Variants in DGKD observed in about 807,000 individuals in gnomAD.
The protein encoded by DGKD is diacylglycerol kinase delta.
In DGKD, 68 loss-of-function variants were observed where a neutral mutation model predicts 154.4. That is an observed-to-expected ratio of 0.44 (90% CI 0.36 to 0.54). The LOEUF is 0.54. Ranked by LOEUF, DGKD falls within the 20% of genes least tolerant of loss-of-function variation. The probability of loss-of-function intolerance (pLI) is 0.00; values close to 1 mark genes in which losing one functional copy is unlikely to be tolerated. For synonymous variants in DGKD, 693 were observed against 638.0 expected (o/e 1.09, Z -1.30); for missense variants, 1,343 against 1,593.6 (o/e 0.84, Z 2.68).
chr2:233,362,312 A>G (rs1184245026), intron 1 of DGKD, among the ~76,000 whole-genome samples: 1 of 152,172 alleles, frequency 6.6e-6, no homozygotes, highest in Non-Finnish European at 1.5e-5. Context: ...TTTAATTGTC[A>G]CAAGAGAGGA....
intron 3 of DGKD, among the ~76,000 whole-genome samples, chr2:233,402,043 G>A (rs1402677775): frequency 6.7e-6 from 1 of 149,128 alleles, no homozygotes; most frequent in African/African-American, 2.5e-5. Flanking sequence ...CCTCTCCCCA[G>A]CCAAGCCCAG....
chr2:233,448,773 T>G (rs1351077765), intron 14 of DGKD, among the ~76,000 whole-genome samples: 2 of 152,164 alleles, frequency 1.3e-5, no homozygotes, highest in Non-Finnish European at 2.9e-5. Context: ...CACACTCCTG[T>G]GCAAACATCT....
rs540832085 is a variant in DGKD, at chr2:233,423,389, T to C, written c.349-10991T>C. On this transcript the variant is annotated intron_variant, in intron 3 of 29. Coordinates refer to ENST00000264057, the MANE Select transcript of DGKD (RefSeq NM_152879.3). ...ATCCCACCCAACAGTAAGATCCACT[T>C]TCTCCATATTCTCTCCAGCAGGTGG... Among the ~76,000 whole-genome samples, 6 of 152,152 alleles carry C rather than the reference T, an allele frequency of 3.9e-5. No homozygotes were observed. In the South Asian group the frequency reaches 1.0e-3, roughly 26 times the overall value.
chr2:233,441,884 C>T lies in DGKD; in HGVS notation c.1086-3C>T. ...TTTCACGGCCTTTCTCTTTTCTCTG[C>T]AGCTTACGGTTATTCCAGAAGTTTG... is the stretch of plus-strand genomic sequence containing the variant. On this transcript the variant is annotated splice_region_variant and splice_polypyrimidine_tract_variant and intron_variant, in intron 9 of 29. Coordinates refer to ENST00000264057, the MANE Select transcript of DGKD (RefSeq NM_152879.3). The surrounding 1 kb of genome is among the most constrained non-coding windows in gnomAD (Gnocchi z 5.6). 2 of 1,611,982 alleles carry T rather than the reference C, an allele frequency of 1.2e-6. No individual in the cohort carries two copies.
At position 233,457,044 on chromosome 2, in the gene DGKD, C is replaced by A; in HGVS notation, c.2472+49C>A. The A allele has an allele frequency of 6.8e-7, 1 of 1,476,094 alleles. No individual in the cohort carries two copies. Among genetic ancestry groups the A allele is most frequent in the Non-Finnish European group, 9.5e-7 (1 of 1,054,666 alleles). The allele number at this position is 1,476,094 out of a possible 1,614,324, so 91.4% of individuals were successfully genotyped here. ...CTGCAGGCTGGCCTCCATCCATCAGCAGACTGCCAGGCCTATTGCTTCTCC... is the reference window on the plus strand; with the variant it reads ...CTGCAGGCTGGCCTCCATCCATCAGAAGACTGCCAGGCCTATTGCTTCTCC... On this transcript the variant is annotated intron_variant, in intron 20 of 29. Coordinates refer to ENST00000264057, the MANE Select transcript of DGKD (RefSeq NM_152879.3). The surrounding 1 kb of genome is among the most constrained non-coding windows in gnomAD (Gnocchi z 5.5).
intron 10 of DGKD, 117 bp downstream of exon 10, chr2:233,442,112 T>C: frequency 1.0e-6 from 1 of 978,858 alleles, no homozygotes; most frequent in Non-Finnish European, 1.6e-6. Context: ...CAGAAACCAT[T>C]GGTGGTTTTG....
intron 3 of DGKD, among the ~76,000 whole-genome samples, chr2:233,421,285 C>G (rs890096850): frequency 1.3e-5 from 2 of 152,152 alleles, no homozygotes; most frequent in African/African-American, 4.8e-5. Flanking sequence ...TCGGAGGTCA[C>G]TGTGGACTCC....
intron 1 of DGKD, among the ~76,000 whole-genome samples, chr2:233,366,205 G>A (rs1702020047): frequency 6.6e-6 from 1 of 152,128 alleles, no homozygotes; most frequent in African/African-American, 2.4e-5. Context: ...AGATTAGTGG[G>A]ATACTATTGC....
intron 3 of DGKD, among the ~76,000 whole-genome samples, chr2:233,420,545 G>A (rs1377170007): frequency 2.6e-5 from 4 of 152,202 alleles, no homozygotes; most frequent in Non-Finnish European, 5.9e-5. Context: ...TTTGATAAGT[G>A]TGTGTAGGCA....
chr2:233,432,849 A>G (rs767617509), intron 3 of DGKD, among the ~76,000 whole-genome samples: 1 of 152,234 alleles, frequency 6.6e-6, no homozygotes, highest in Non-Finnish European at 1.5e-5. Flanking sequence ...AAAGTGCTCA[A>G]TATCATTGAT....
rs1439137478 is a variant in DGKD, at chr2:233,354,828, G to T, written c.156+154G>T. Among the ~76,000 whole-genome samples, 1 of 144,810 alleles carries T rather than the reference G, an allele frequency of 6.9e-6. No homozygotes were observed. Among genetic ancestry groups the T allele is most frequent in the Non-Finnish European group, 1.5e-5 (1 of 65,156 alleles). ...CCGCCCCTGTCGAGCGTGCCCCGCC[G>T]CTGTAACGGGCCGGCGCCCCGGGCG... On this transcript the variant is annotated intron_variant, in intron 1 of 29. Coordinates refer to ENST00000264057, the MANE Select transcript of DGKD (RefSeq NM_152879.3). The surrounding 1 kb of genome is among the most constrained non-coding windows in gnomAD (Gnocchi z 4.8).
rs374704059 is a variant in DGKD at position 233,467,221 on chromosome 2, G to A, written c.3424+18G>A. On this transcript the variant is annotated intron_variant, in intron 28 of 29. Coordinates refer to ENST00000264057, the MANE Select transcript of DGKD (RefSeq NM_152879.3). ...AGCCCCGGGTACCTGCCTCTCTCCC[G>A]CGTGTGTTTCTGGCCGTCCACGCCT... The A allele has an allele frequency of 1.9e-5, 30 of 1,575,498 alleles. No homozygotes were observed. The highest frequency in any genetic ancestry group is 1.5e-4 in the African/African-American group (11 of 74,204).
At chr2:233,416,185 A>T (rs2061956595) in intron 3 of DGKD, among the ~76,000 whole-genome samples, 1 of 152,200 alleles carries the variant, frequency 6.6e-6, no homozygotes, top group African/African-American at 2.4e-5. Context: ...TTAGCATCTT[A>T]ACCATTTTTA....
At chr2:233,357,262 C>G (rs928388847) in intron 1 of DGKD, among the ~76,000 whole-genome samples, 1 of 152,218 alleles carries the variant, frequency 6.6e-6, no homozygotes, top group African/African-American at 2.4e-5. Context: ...TCCTCCACAA[C>G]TTGGACTGGA....
chr2:233,365,701 A>G (rs1404681520), intron 1 of DGKD, among the ~76,000 whole-genome samples: 1 of 152,258 alleles, frequency 6.6e-6, no homozygotes, highest in African/African-American at 2.4e-5. Context: ...TTGAAATTAT[A>G]GAGTATGTTC....
Position 233,449,082 on chromosome 2 carries a change from C to A in DGKD, c.1615-21C>A. The stretch of plus-strand genomic sequence containing the variant: ...TGTTCTCCTGCCTCAGCTCTGCATG[C>A]CATTTCCTTTCCTTGTTCAGTGCTC... On this transcript the variant is annotated intron_variant, in intron 14 of 29. Coordinates refer to ENST00000264057, the MANE Select transcript of DGKD (RefSeq NM_152879.3). This position sits in a 1 kb window ranked among gnomAD's most constrained non-coding sequence, Gnocchi z 5.3. 1 of 1,572,640 alleles carries A rather than the reference C, an allele frequency of 6.4e-7. No homozygotes were observed. The highest frequency in any genetic ancestry group is 2.3e-5 in the East Asian group (1 of 43,950).
chr2:233,428,700 G>T lies in DGKD; in HGVS notation c.349-5680G>T, dbSNP rs543393052. Reference sequence around the variant, plus strand: ...ATGTGCCAGGCCCTGTGCACATTTGGTCCTGTTCAGTCCCACCACAGCCCT... The same window carrying T: ...ATGTGCCAGGCCCTGTGCACATTTGTTCCTGTTCAGTCCCACCACAGCCCT... On this transcript the variant is annotated intron_variant, in intron 3 of 29. Transcript: ENST00000264057. 2.0e-5 allele frequency among the ~76,000 whole-genome samples: 3 copies of T among 152,256 alleles called. No homozygotes were observed. The East Asian group carries it at 5.8e-4, about 29-fold the overall frequency.
intron 25 of DGKD, 47 bp downstream of exon 25, chr2:233,462,506 C>A: frequency 6.4e-7 from 1 of 1,559,770 alleles, no homozygotes; most frequent in Non-Finnish European, 8.8e-7. Flanking sequence ...CAGTGTCTGC[C>A]GCCCTCGGCC....
chr2:233,462,239 C>T (rs1339981394), intron 24 of DGKD, 109 bp from the exon 25 acceptor site: 4 of 832,132 alleles, frequency 4.8e-6, no homozygotes, highest in Non-Finnish European at 7.6e-6. Flanking sequence ...CTGGGCCTGC[C>T]CTCCACATCA....
Sources: allele counts gnomAD v4.1 joint callset (sites outside exome capture counted in the v4.1 genomes callset), GRCh38; gene constraint gnomAD v4.1.1; non-coding constraint Gnocchi (gnomAD v3.1); transcripts MANE v1.5; gene names NCBI Gene and HGNC (gene_info 2026-07-23, HGNC 2026-07-21).